Variants in CEP55 observed in about 807,000 individuals in gnomAD.
CEP55 encodes centrosomal protein 55.
A neutral mutation model predicts 63.2 loss-of-function variants in CEP55; 57 were observed. The observed-to-expected ratio is 0.90, with a 90% confidence interval of 0.73 to 1.13. The LOEUF is 1.13. Ranked by LOEUF, CEP55 falls within the 50% of genes most tolerant of loss-of-function variation. The probability of loss-of-function intolerance (pLI) is 0.00; values close to 1 mark genes in which losing one functional copy is unlikely to be tolerated. For synonymous variants in CEP55, 178 were observed against 191.6 expected (o/e 0.93, Z 0.59); for missense variants, 456 against 518.9 (o/e 0.88, Z 1.18).
rs2057947610 is a variant in CEP55, at chr10:93,528,481, A to G, written c.*328A>G. ...TAATGGGTTAATGCACCAGCAAGCA[A>G]AATATTTTATGTTTTGGGGGTTTTG... On this transcript the variant is annotated 3_prime_UTR_variant, in exon 9 of 9. Transcript: ENST00000371485. 1 of 190,010 alleles carries G rather than the reference A, an allele frequency of 5.3e-6. No homozygotes were observed. Among genetic ancestry groups the G allele is most frequent in the Admixed American group, 7.8e-5 (1 of 12,888 alleles). 11.8% of individuals were successfully genotyped at this position (190,010 alleles called of 1,614,324 possible). A position where few individuals can be genotyped will look rare whatever the true frequency, so the allele number is the denominator to read the frequency against.
At chr10:93,504,879 A>G (rs372009440) in intron 3 of CEP55, among the ~76,000 whole-genome samples, 7 of 152,244 alleles carry the variant, frequency 4.6e-5, no homozygotes, top group African/African-American at 1.4e-4. Context: ...CAATGGCGCA[A>G]TCTCAGCTCA....
At chr10:93,501,208 A>G (rs11187476) in intron 2 of CEP55, among the ~76,000 whole-genome samples, 37,851 of 152,072 alleles carry the variant, frequency 0.25, 4,957 homozygotes, top group African/African-American at 0.33. Flanking sequence ...ATTATTAGAC[A>G]TGTTGGCATT....
intron 8 of CEP55, 71 bp downstream of exon 8, chr10:93,519,878 A>T: frequency 1.3e-6 from 2 of 1,552,200 alleles, no homozygotes; most frequent in South Asian, 2.2e-5. Flanking sequence ...TTCCGAACTT[A>T]GGAGGATACA....
chr10:93,498,801 G>C (rs762385250), intron 1 of CEP55, among the ~76,000 whole-genome samples: 3 of 144,308 alleles, frequency 2.1e-5, no homozygotes, highest in Non-Finnish European at 4.5e-5. Flanking sequence ...TAACATTAGG[G>C]AACATGTCTT....
At chr10:93,519,071 A>G in intron 7 of CEP55, 123 bp downstream of exon 7, 1 of 672,570 alleles carries the variant, frequency 1.5e-6, no homozygotes, top group South Asian at 2.0e-5. Flanking sequence ...AAAAGACTTC[A>G]ATAAAAGTCT....
chr10:93,498,391 C>T (rs779687857), intron 1 of CEP55, among the ~76,000 whole-genome samples: 4 of 152,162 alleles, frequency 2.6e-5, no homozygotes, highest in Non-Finnish European at 5.9e-5. Context: ...TGTCCTACGA[C>T]CCACGATATC....
chr10:93,523,632 A>G (rs1239780011), intron 8 of CEP55, among the ~76,000 whole-genome samples: 6 of 152,238 alleles, frequency 3.9e-5, no homozygotes, highest in Non-Finnish European at 8.8e-5. Flanking sequence ...TCAACAGAAT[A>G]TACATTCTTC....
At chr10:93,526,467 A>G (rs2057923169) in intron 8 of CEP55, among the ~76,000 whole-genome samples, 1 of 152,182 alleles carries the variant, frequency 6.6e-6, no homozygotes, top group Non-Finnish European at 1.5e-5. Flanking sequence ...AGAAATAGGA[A>G]CACTTTTACA....
chr10:93,497,561 C>T (rs2057585367), intron 1 of CEP55, among the ~76,000 whole-genome samples: 1 of 152,180 alleles, frequency 6.6e-6, no homozygotes, highest in Admixed American at 6.5e-5. Context: ...CCACCGCGCC[C>T]GGCCCCAATC....
chr10:93,503,186 G>T lies in CEP55; in HGVS notation c.257G>T (p.Arg86Leu), dbSNP rs1386412195. ...ACAGAGAAGGACAAAGAAATACAGC[G>T]ACTGAGAGACCAACTGAAGGCCAGA... Reference protein sequence around the residue: ...QLTEKDKEIQRLRDQLKARYS... With the variant: ...QLTEKDKEIQLLRDQLKARYS... The change falls in exon 3 of 9, where the codon CGA becomes CTA. Residue 86 changes from arginine to leucine, a missense_variant. Coordinates refer to ENST00000371485, the MANE Select transcript of CEP55 (RefSeq NM_018131.5). 6.2e-7 allele frequency: 1 copy of T among 1,613,900 alleles called. No homozygotes were observed. The highest frequency in any genetic ancestry group is 8.5e-7 in the Non-Finnish European group (1 of 1,179,948).
intron 2 of CEP55, among the ~76,000 whole-genome samples, chr10:93,500,726 T>G (rs2057626736): frequency 6.6e-6 from 1 of 152,194 alleles, no homozygotes; most frequent in Admixed American, 6.5e-5. Context: ...ATTTTTAAAT[T>G]GATAGCATAA....
intron 5 of CEP55, among the ~76,000 whole-genome samples, chr10:93,516,533 A>C (rs777415489): frequency 1.6e-4 from 25 of 152,160 alleles, no homozygotes; most frequent in Admixed American, 1.4e-3. Flanking sequence ...ATAATGTAAT[A>C]GTTAAGAAGG....
In CEP55 at chr10:93,500,761, C is replaced by CT. The variant is rs72218522; in HGVS notation, c.183+542dup. On this transcript the variant is annotated intron_variant, in intron 2 of 8. Coordinates refer to ENST00000371485, the MANE Select transcript of CEP55 (RefSeq NM_018131.5). ...ACTTAGAAGCATTCGATTTTCCATA[C>CT]TTTTTTTTTTTTTTTGAGACTGGGT... Among the ~76,000 whole-genome samples the CT allele has an allele frequency of 3.8e-3, 548 of 143,156 alleles. 1 individual carries two copies. The highest frequency in any genetic ancestry group is 9.7e-3 in the African/African-American group (384 of 39,420). 93.9% of individuals were successfully genotyped at this position (143,156 alleles called of 152,430 possible).
At chr10:93,505,775 G>A (rs946555736) in intron 3 of CEP55, among the ~76,000 whole-genome samples, 1 of 152,062 alleles carries the variant, frequency 6.6e-6, no homozygotes, top group Non-Finnish European at 1.5e-5. Context: ...TTATTTCTCT[G>A]AGAAAATGAA....
At chr10:93,521,097 T>A (rs1351111569) in intron 8 of CEP55, among the ~76,000 whole-genome samples, 1 of 152,032 alleles carries the variant, frequency 6.6e-6, no homozygotes, top group Non-Finnish European at 1.5e-5. Context: ...CAGTGGGGAC[T>A]GTCAGACAGT....
chr10:93,503,922 C>A (rs893988416), intron 3 of CEP55, among the ~76,000 whole-genome samples: 1 of 151,172 alleles, frequency 6.6e-6, no homozygotes, highest in Non-Finnish European at 1.5e-5. Flanking sequence ...ACCTTTATAG[C>A]CTTAGAGACA....
At chr10:93,518,105 G>A (rs2057822358) in intron 6 of CEP55, among the ~76,000 whole-genome samples, 1 of 151,964 alleles carries the variant, frequency 6.6e-6, no homozygotes, top group Non-Finnish European at 1.5e-5. Context: ...GCTGGTGATG[G>A]GACAGTAACA....
chr10:93,523,013 G>C (rs1418923608), intron 8 of CEP55, among the ~76,000 whole-genome samples: 1 of 152,092 alleles, frequency 6.6e-6, no homozygotes, highest in African/African-American at 2.4e-5. Context: ...ATCGAGGCTA[G>C]GAAAAAACTG....
Position 93,528,070 on chromosome 10 carries a change from G to A in CEP55, c.1312G>A (p.Val438Met). 1.2e-6 allele frequency: 2 copies of A among 1,613,992 alleles called. No homozygotes were observed. Among genetic ancestry groups the A allele is most frequent in the Non-Finnish European group, 1.7e-6 (2 of 1,179,970 alleles). ...CACTGCTGCACTCAATGAAAGCCTG[G>A]TGGAATGTCCCAAGTGCAATATACA... The part of the protein sequence containing the change: ...SPTAALNESL[V>M]ECPKCNIQYP... The change falls in exon 9 of 9, where the codon GTG becomes ATG. Residue 438 changes from valine (V) to methionine (M), a missense_variant. Physicochemically the swap from Val to Met is conservative, Grantham distance 21 (BLOSUM62 1). Transcript: ENST00000371485.
Sources: allele counts gnomAD v4.1 joint callset (sites outside exome capture counted in the v4.1 genomes callset), GRCh38; gene constraint gnomAD v4.1.1; transcripts MANE v1.5; gene names NCBI Gene and HGNC (gene_info 2026-07-23, HGNC 2026-07-21).